Variants in SORCS3 observed in about 807,000 individuals in gnomAD.
SORCS3 encodes sortilin related VPS10 domain containing receptor 3, also known as VPS10 domain-containing receptor SorCS3.
A neutral mutation model predicts 146.3 loss-of-function variants in SORCS3; 57 were observed. That is an observed-to-expected ratio of 0.39 (90% CI 0.31 to 0.49). The LOEUF (loss-of-function observed/expected upper bound fraction) is 0.49. SORCS3 is among the 20% of genes least tolerant of loss of function. SORCS3 has a pLI of 0.92. For missense variants in SORCS3, 1,341 were observed against 1,575.5 expected (o/e 0.85, Z 2.52); for synonymous variants, 653 against 618.5 (o/e 1.06, Z -0.83).
chr10:104,818,779 T>C (rs1346787757), intron 1 of SORCS3, among the ~76,000 whole-genome samples: 3 of 152,020 alleles, frequency 2.0e-5, no homozygotes, highest in African/African-American at 4.8e-5. Flanking sequence ...TGGGTTCCAG[T>C]TGGGAAATTT....
In SORCS3 at chr10:105,264,889, A is replaced by G. The variant is rs1026447166; in HGVS notation, c.*1515A>G. 1 of 152,642 alleles carries G rather than the reference A, an allele frequency of 6.6e-6. No individual in the cohort carries two copies. The highest frequency in any genetic ancestry group is 2.4e-5 in the African/African-American group (1 of 41,450). The allele number at this position is 152,642 out of a possible 1,614,324, so 9.5% of individuals were successfully genotyped here. A position where few individuals can be genotyped will look rare whatever the true frequency, so the allele number is the denominator to read the frequency against. On this transcript the variant is annotated 3_prime_UTR_variant, in exon 27 of 27. Coordinates refer to ENST00000369701, the MANE Select transcript of SORCS3 (RefSeq NM_014978.3). ...TTTGAAAATGATATAATGTATATATATGGGAGGAAAGGCCACATTTTGTAC... is the reference window on the plus strand; with the variant it reads ...TTTGAAAATGATATAATGTATATATGTGGGAGGAAAGGCCACATTTTGTAC...
At chr10:104,681,020 C>T (rs905615777) in intron 1 of SORCS3, among the ~76,000 whole-genome samples, 2 of 152,240 alleles carry the variant, frequency 1.3e-5, no homozygotes, top group Non-Finnish European at 2.9e-5. Context: ...CCCCACCTTC[C>T]GCAGAGCTCC....
At chr10:105,031,827 A>C (rs971578639) in intron 4 of SORCS3, among the ~76,000 whole-genome samples, 6 of 152,168 alleles carry the variant, frequency 3.9e-5, no homozygotes, top group Non-Finnish European at 8.8e-5. Flanking sequence ...CTACCAGCTA[A>C]TCCAAGTTTC....
chr10:105,071,826 G>A (rs2055558417), intron 5 of SORCS3, among the ~76,000 whole-genome samples: 1 of 152,192 alleles, frequency 6.6e-6, no homozygotes, highest in African/African-American at 2.4e-5. Flanking sequence ...ATCTATAGAT[G>A]AGGAAACGAA....
chr10:104,777,593 C>A (rs991484660), intron 1 of SORCS3, among the ~76,000 whole-genome samples: 9 of 152,152 alleles, frequency 5.9e-5, no homozygotes, highest in African/African-American at 2.2e-4. Flanking sequence ...TTTGTCACAA[C>A]TGGGGGGAGA....
At chr10:104,902,815 T>C (rs898148306) in intron 2 of SORCS3, among the ~76,000 whole-genome samples, 1 of 152,174 alleles carries the variant, frequency 6.6e-6, no homozygotes, top group Non-Finnish European at 1.5e-5. Context: ...ATGTTAGATA[T>C]GGGGAAACTG....
At chr10:105,256,279 A>T (rs1040977473) in intron 24 of SORCS3, among the ~76,000 whole-genome samples, 16 of 152,182 alleles carry the variant, frequency 1.1e-4, no homozygotes, top group Admixed American at 4.6e-4. Flanking sequence ...TTGTGAAAAA[A>T]TCTAAAAAGG....
intron 20 of SORCS3, among the ~76,000 whole-genome samples, chr10:105,231,808 A>G (rs777110337): frequency 7.2e-5 from 11 of 152,148 alleles, no homozygotes; most frequent in Non-Finnish European, 1.3e-4. Context: ...GAGATGGATT[A>G]CATTAATTGA....
intron 1 of SORCS3, among the ~76,000 whole-genome samples, chr10:104,819,931 C>A (rs960426536): frequency 6.6e-6 from 1 of 152,146 alleles, no homozygotes; most frequent in Non-Finnish European, 1.5e-5. Flanking sequence ...ATCAAACCTG[C>A]CGTTTATTGT....
intron 9 of SORCS3, among the ~76,000 whole-genome samples, chr10:105,149,913 G>A (rs1170636350): frequency 6.6e-6 from 1 of 152,128 alleles, no homozygotes; most frequent in African/African-American, 2.4e-5. Flanking sequence ...TTGGTCTTGT[G>A]TTTTCAGTCT....
chr10:105,245,197 T>C (rs2056858715), intron 20 of SORCS3, among the ~76,000 whole-genome samples: 1 of 151,938 alleles, frequency 6.6e-6, no homozygotes, highest in Admixed American at 6.6e-5. Context: ...ACACCAGATA[T>C]TGGAGGAGAA....
At chr10:104,979,711 T>A (rs1320644981) in intron 4 of SORCS3, among the ~76,000 whole-genome samples, 16 of 152,180 alleles carry the variant, frequency 1.1e-4, no homozygotes, top group Non-Finnish European at 1.9e-4. Flanking sequence ...CCACATGACA[T>A]TTGCAGAGGA....
intron 2 of SORCS3, among the ~76,000 whole-genome samples, chr10:104,910,566 A>G (rs2018956178): frequency 6.6e-6 from 1 of 152,248 alleles, no homozygotes; most frequent in East Asian, 1.9e-4. Flanking sequence ...GGGTGAAATA[A>G]GCAAGCTGCT....
rs111325489 is a variant in SORCS3, at chr10:104,892,043, C to T, written c.696-23790C>T. On this transcript the variant is annotated intron_variant, in intron 2 of 26. Coordinates refer to ENST00000369701, the MANE Select transcript of SORCS3 (RefSeq NM_014978.3). ...CCTCAGTGAAGATGTAGACTGTCAG[C>T]GTGAATATTTTGTGAAGATTCTCAT... Among the ~76,000 whole-genome samples the T allele has an allele frequency of 4.5e-3, 689 of 152,278 alleles. 4 individuals are homozygous for T. The highest frequency in any genetic ancestry group is 6.4e-3 in the Non-Finnish European group (433 of 68,026).
intron 1 of SORCS3, among the ~76,000 whole-genome samples, chr10:104,694,624 C>T (rs1009177345): frequency 6.6e-6 from 1 of 152,092 alleles, no homozygotes; most frequent in African/African-American, 2.4e-5. Context: ...AAAGGCCTGG[C>T]CATCTTGTCT....
chr10:104,713,717 A>G (rs1019638349), intron 1 of SORCS3, among the ~76,000 whole-genome samples: 1 of 152,088 alleles, frequency 6.6e-6, no homozygotes, highest in Non-Finnish European at 1.5e-5. Flanking sequence ...GGATTTTTAC[A>G]TGTGTGTTCA....
At chr10:104,688,352 G>A (rs926143699) in intron 1 of SORCS3, among the ~76,000 whole-genome samples, 1 of 152,228 alleles carries the variant, frequency 6.6e-6, no homozygotes, top group Non-Finnish European at 1.5e-5. Flanking sequence ...GAGGCTGCGT[G>A]TGTGGGGGGG....
intron 20 of SORCS3, among the ~76,000 whole-genome samples, chr10:105,239,436 A>T (rs1348508362): frequency 6.6e-6 from 1 of 152,204 alleles, no homozygotes; most frequent in African/African-American, 2.4e-5. Flanking sequence ...TGTAGGCTGC[A>T]TCCAAAGATT....
chr10:104,688,544 G>A (rs1449441876), intron 1 of SORCS3, among the ~76,000 whole-genome samples: 1 of 152,230 alleles, frequency 6.6e-6, no homozygotes, highest in Non-Finnish European at 1.5e-5. Flanking sequence ...CTTCTTGAAA[G>A]AAGCAGCCTG....
Sources: gnomAD v4.1 joint callset for allele counts (sites outside exome capture counted in the v4.1 genomes callset) on GRCh38, gnomAD v4.1.1 for gene constraint, MANE v1.5 for transcripts, NCBI Gene and HGNC (gene_info 2026-07-23, HGNC 2026-07-21) for gene names.